Variants in MEI4 observed in about 807,000 individuals in gnomAD.
MEI4 encodes the protein meiotic double-stranded break formation protein 4.
MEI4 carries 27 observed loss-of-function variants against 31.4 expected under a neutral mutation model. The ratio of observed to expected loss-of-function variants is 0.86; its 90% confidence interval spans 0.63 to 1.19. The LOEUF (loss-of-function observed/expected upper bound fraction) is 1.19. Among genes scored for constraint, MEI4 ranks in the 50% most tolerant of loss-of-function variants. The probability of loss-of-function intolerance (pLI) is 0.00; values close to 1 mark genes in which losing one functional copy is unlikely to be tolerated. For synonymous variants in MEI4, 122 were observed against 145.4 expected (o/e 0.84, Z 1.16); for missense variants, 329 against 398.9 (o/e 0.82, Z 1.49).
intron 3 of MEI4, among the ~76,000 whole-genome samples, chr6:77,799,214 G>A (rs1032099808): frequency 5.3e-5 from 8 of 152,030 alleles, no homozygotes; most frequent in Admixed American, 2.6e-4. Flanking sequence ...ATCTCATTGT[G>A]GTTTTGATTT....
Position 77,701,351 on chromosome 6 carries a change from A to C in MEI4, c.232+10448A>C, listed in dbSNP as rs1488745124. On this transcript the variant is annotated intron_variant, in intron 2 of 4. Coordinates refer to ENST00000684080, the MANE Select transcript of MEI4 (RefSeq NM_001322247.2). ...GGATTGAAGGGTTTATGGTGACAAG[A>C]GCAGGGCTTTGTTAATGGGAAAAAT... 3.3e-5 allele frequency among the ~76,000 whole-genome samples: 5 copies of C among 152,226 alleles called. No individual in the cohort carries two copies. The South Asian group carries it at 8.3e-4, about 25-fold the overall frequency.
At chr6:77,811,650 C>A (rs1028387124) in intron 3 of MEI4, among the ~76,000 whole-genome samples, 1 of 151,774 alleles carries the variant, frequency 6.6e-6, no homozygotes, top group South Asian at 2.1e-4. Context: ...TGGTGGACAC[C>A]TTTAATCCCA....
At chr6:77,795,165 A>G (rs1315152561) in intron 3 of MEI4, among the ~76,000 whole-genome samples, 1 of 152,194 alleles carries the variant, frequency 6.6e-6, no homozygotes, top group Non-Finnish European at 1.5e-5. Flanking sequence ...ATAACTAGAA[A>G]AAGAAGAAAC....
intron 4 of MEI4, among the ~76,000 whole-genome samples, chr6:77,914,521 G>T (rs1766499604): frequency 6.6e-6 from 1 of 151,918 alleles, no homozygotes. Context: ...AATCCTGGGG[G>T]ATATTTCATG....
chr6:77,873,413 T>G (rs1771247872), intron 4 of MEI4, among the ~76,000 whole-genome samples: 1 of 152,210 alleles, frequency 6.6e-6, no homozygotes, highest in Non-Finnish European at 1.5e-5. Flanking sequence ...TTTTGAGAAG[T>G]GTCTGTTCAT....
At position 77,731,801 on chromosome 6, in the gene MEI4, T is replaced by C. The variant is rs1488866453; in HGVS notation, c.233-29329T>C. Among the ~76,000 whole-genome samples, 7 of 152,172 alleles carry C rather than the reference T, an allele frequency of 4.6e-5. No individual in the cohort carries two copies. In the East Asian group the frequency reaches 1.4e-3, roughly 29 times the overall value. ...TCTTTAAACCATCTTGAATTAATTT[T>C]TGTATAAGGTGTAAGGAAGGGATCC... On this transcript the variant is annotated intron_variant, in intron 2 of 4. Transcript: ENST00000684080.
chr6:77,800,346 G>T (rs9359292), intron 3 of MEI4, among the ~76,000 whole-genome samples: 8,545 of 152,072 alleles, frequency 0.056, 632 homozygotes, highest in African/African-American at 0.17. Flanking sequence ...CATTGATTTT[G>T]TATCCTGAGA....
intron 3 of MEI4, among the ~76,000 whole-genome samples, chr6:77,806,103 AG>A (rs772627034): frequency 6.6e-5 from 10 of 152,176 alleles, no homozygotes; most frequent in Non-Finnish European, 1.3e-4. Flanking sequence ...CTTGGCCAAA[AG>A]AAAAGAGGAC....
At chr6:77,837,861 C>A (rs1384413956) in intron 4 of MEI4, among the ~76,000 whole-genome samples, 1 of 151,986 alleles carries the variant, frequency 6.6e-6, no homozygotes, top group Non-Finnish European at 1.5e-5. Context: ...TTAAAAGGTG[C>A]TTATTATCCT....
At chr6:77,785,365 T>G (rs1768708896) in intron 3 of MEI4, among the ~76,000 whole-genome samples, 1 of 152,148 alleles carries the variant, frequency 6.6e-6, no homozygotes, top group South Asian at 2.1e-4. Context: ...ATATTACCAC[T>G]TGGAGATAAT....
chr6:77,673,268 AG>A (rs1768781839), intron 1 of MEI4, among the ~76,000 whole-genome samples: 1 of 152,240 alleles, frequency 6.6e-6, no homozygotes, highest in Admixed American at 6.5e-5. Context: ...TAGTAGTAGT[AG>A]TACTAGTAAT....
intron 4 of MEI4, among the ~76,000 whole-genome samples, chr6:77,857,776 A>G (rs982322124): frequency 6.6e-6 from 1 of 152,202 alleles, no homozygotes; most frequent in African/African-American, 2.4e-5. Context: ...CTCCCACAGT[A>G]ACTTTGAAAT....
intron 2 of MEI4, among the ~76,000 whole-genome samples, chr6:77,735,562 C>G (rs1392902483): frequency 1.3e-5 from 2 of 152,048 alleles, no homozygotes. Flanking sequence ...TTTTCAACTT[C>G]TTTGCCTTCG....
chr6:77,653,847 A>G (rs1348232370), intron 1 of MEI4, among the ~76,000 whole-genome samples: 1 of 152,204 alleles, frequency 6.6e-6, no homozygotes, highest in African/African-American at 2.4e-5. Context: ...TAGGAAGTCA[A>G]CCCCCCATCA....
intron 3 of MEI4, among the ~76,000 whole-genome samples, chr6:77,799,878 T>C (rs1038783514): frequency 1.3e-5 from 2 of 152,210 alleles, no homozygotes; most frequent in Non-Finnish European, 2.9e-5. Flanking sequence ...ACTGGTACCA[T>C]GCTGTTTTGG....
intron 3 of MEI4, among the ~76,000 whole-genome samples, chr6:77,790,506 C>A (rs6929391): frequency 3.1e-4 from 47 of 150,976 alleles, no homozygotes; most frequent in African/African-American, 1.1e-3. Flanking sequence ...AACTCCACCA[C>A]TATGCAATAT....
At chr6:77,913,534 AATTT>A (rs1432558618) in intron 4 of MEI4, among the ~76,000 whole-genome samples, 2 of 151,970 alleles carry the variant, frequency 1.3e-5, no homozygotes, top group Non-Finnish European at 2.9e-5. Context: ...TGTGTCCAGG[AATTT>A]ATTTATCTCC....
intron 1 of MEI4, among the ~76,000 whole-genome samples, chr6:77,687,840 G>A (rs184047897): frequency 6.6e-6 from 1 of 152,178 alleles, no homozygotes; most frequent in Non-Finnish European, 1.5e-5. Context: ...CAACCTGAAA[G>A]CTCTCTGAAT....
At chr6:77,726,818 G>T (rs528836659) in intron 2 of MEI4, among the ~76,000 whole-genome samples, 17 of 68,538 alleles carry the variant, frequency 2.5e-4, no homozygotes, top group African/African-American at 1.1e-3. Context: ...GGTGCATTTT[G>T]TAACAGACAA....
Sources: gnomAD v4.1 joint callset for allele counts (sites outside exome capture counted in the v4.1 genomes callset) on GRCh38, gnomAD v4.1.1 for gene constraint, MANE v1.5 for transcripts, NCBI Gene and HGNC (gene_info 2026-07-23, HGNC 2026-07-21) for gene names.